ZHX3: variants seen among roughly 807,000 people sequenced by gnomAD.
The protein encoded by ZHX3 is zinc fingers and homeoboxes 3.
ZHX3 carries 20 observed loss-of-function variants against 64.5 expected under a neutral mutation model. The observed-to-expected ratio is 0.31, with a 90% CI of 0.22 to 0.45. The LOEUF (loss-of-function observed/expected upper bound fraction) is 0.45, where lower values mean the gene tolerates loss of function less well. Ranked by LOEUF, ZHX3 falls within the 20% of genes least tolerant of loss-of-function variation. The pLI is 1.00. For synonymous variants in ZHX3, 423 were observed against 461.6 expected (o/e 0.92, Z 1.07); for missense variants, 1,041 against 1,195.8 (o/e 0.87, Z 1.91).
intron 1 of ZHX3, among the ~76,000 whole-genome samples, chr20:41,310,750 G>A (rs1187437953): frequency 6.8e-6 from 1 of 146,562 alleles, no homozygotes; most frequent in Non-Finnish European, 1.5e-5. Flanking sequence ...AACATACGTT[G>A]TCATACATCA....
chr20:41,279,398 C>G (rs2043557108), intron 1 of ZHX3, among the ~76,000 whole-genome samples: 1 of 152,062 alleles, frequency 6.6e-6, no homozygotes, highest in Non-Finnish European at 1.5e-5. Flanking sequence ...AAAACAGTAT[C>G]TTACAACTTT....
intron 1 of ZHX3, among the ~76,000 whole-genome samples, chr20:41,292,950 C>CAG (rs2044323509): frequency 6.6e-6 from 1 of 152,224 alleles, no homozygotes; most frequent in Admixed American, 6.5e-5. Flanking sequence ...TGAACATACA[C>CAG]AGAGGTGTGC....
chr20:41,268,930 A>G (rs2042994287), intron 2 of ZHX3, 60 bp downstream of exon 2: 4 of 152,260 alleles, frequency 2.6e-5, no homozygotes, highest in Admixed American at 2.6e-4. Context: ...TTAATGTAGC[A>G]AGAAACTTGT....
Position 41,204,673 on chromosome 20 carries a change from A to C in ZHX3, c.244T>G (p.Cys82Gly). The C allele has an allele frequency of 6.2e-7, 1 of 1,614,244 alleles. No individual in the cohort carries two copies. The highest frequency in any genetic ancestry group is 8.5e-7 in the Non-Finnish European group (1 of 1,180,040). Residue 82 changes from cysteine (C) to glycine (G), a missense_variant, in exon 3 of 4, where the codon TGC (cysteine) becomes GGC (glycine). This residue lies in a region of ZHX3 where 358 missense variants were observed against 369.1 expected (regional missense o/e 0.97). Coordinates refer to ENST00000683867, the MANE Select transcript of ZHX3 (RefSeq NM_001384317.1). This position sits in a 1 kb window ranked among gnomAD's most constrained non-coding sequence, Gnocchi z 6.6. ...LDGYLYSCKY[C>G]DFRSHDMTQF... The stretch of plus-strand genomic sequence containing the variant: ...GTCATGTCATGGGATCTGAAATCGC[A>C]GTATTTACAGGAATATAAATAGCCA...
At chr20:41,213,373 G>A (rs192109007) in intron 2 of ZHX3, among the ~76,000 whole-genome samples, 2 of 152,232 alleles carry the variant, frequency 1.3e-5, no homozygotes, top group Admixed American at 1.3e-4. Flanking sequence ...TATAGAAGAG[G>A]GTCAGCATTT....
intron 2 of ZHX3, among the ~76,000 whole-genome samples, chr20:41,223,899 A>G (rs1164653498): frequency 1.3e-5 from 2 of 152,178 alleles, no homozygotes; most frequent in Non-Finnish European, 2.9e-5. Context: ...GCTCCTTTAC[A>G]TTTCAAACTT....
chr20:41,277,622 C>T (rs576970873), intron 1 of ZHX3, among the ~76,000 whole-genome samples: 2 of 151,168 alleles, frequency 1.3e-5, no homozygotes, highest in South Asian at 2.1e-4. Context: ...GACAGAGTCT[C>T]GCTCTGTCGC....
At chr20:41,187,017 G>A (rs1475338739) in intron 3 of ZHX3, among the ~76,000 whole-genome samples, 1 of 152,032 alleles carries the variant, frequency 6.6e-6, no homozygotes, top group Non-Finnish European at 1.5e-5. Flanking sequence ...TGCTTTGAGT[G>A]TCATACATAA....
chr20:41,309,790 T>C (rs2045077061), intron 1 of ZHX3, among the ~76,000 whole-genome samples: 1 of 152,234 alleles, frequency 6.6e-6, no homozygotes, highest in Non-Finnish European at 1.5e-5. Flanking sequence ...ATCCTTCTGA[T>C]GGCTTCTCTG....
At chr20:41,313,702 A>G (rs993394257) in intron 1 of ZHX3, among the ~76,000 whole-genome samples, 1 of 140,380 alleles carries the variant, frequency 7.1e-6, no homozygotes, top group Non-Finnish European at 1.5e-5. Context: ...GGTTCACGCC[A>G]TTCTCCTGCC....
At chr20:41,249,229 T>C (rs4810311) in intron 2 of ZHX3, among the ~76,000 whole-genome samples, 87,910 of 150,826 alleles carry the variant, frequency 0.58, 26,789 homozygotes, top group East Asian at 0.82. Context: ...TGAAACAGAA[T>C]TGTTCACATA....
intron 1 of ZHX3, among the ~76,000 whole-genome samples, chr20:41,287,248 C>T (rs138853789): frequency 2.0e-5 from 3 of 152,164 alleles, no homozygotes; most frequent in African/African-American, 7.2e-5. Context: ...AGAGAGGCCT[C>T]CCCTGACTAC....
chr20:41,282,780 A>G (rs1360627316), intron 1 of ZHX3, among the ~76,000 whole-genome samples: 2 of 152,260 alleles, frequency 1.3e-5, no homozygotes, highest in Non-Finnish European at 2.9e-5. Flanking sequence ...AATAAAATAC[A>G]TGACATCTCA....
chr20:41,293,340 G>A (rs1295118840), intron 1 of ZHX3, among the ~76,000 whole-genome samples: 1 of 152,172 alleles, frequency 6.6e-6, no homozygotes, highest in Non-Finnish European at 1.5e-5. Flanking sequence ...GAGGATTATT[G>A]TCAGTTTGGA....
intron 1 of ZHX3, among the ~76,000 whole-genome samples, chr20:41,310,041 T>C (rs2045084179): frequency 6.6e-6 from 1 of 152,162 alleles, no homozygotes; most frequent in Non-Finnish European, 1.5e-5. Context: ...ACAACACTGG[T>C]CCTTTTCTCC....
At position 41,184,496 on chromosome 20, in the gene ZHX3, A is replaced by G. The variant is rs2146095459; in HGVS notation, c.*695T>C. ...GAGAATGGTAAAGCATCCAACGCTA[A>G]TCACATTGCCAGTCCATTTTTTGAA... On this transcript the variant is annotated 3_prime_UTR_variant, in exon 4 of 4. Coordinates refer to ENST00000683867, the MANE Select transcript of ZHX3 (RefSeq NM_001384317.1). 5.6e-6 allele frequency: 1 copy of G among 179,182 alleles called. No homozygotes were observed. The highest frequency in any genetic ancestry group is 1.6e-4 in the East Asian group (1 of 6,196). The allele number at this position is 179,182 out of a possible 1,614,324, so 11.1% of individuals were successfully genotyped here.
At chr20:41,209,527 C>T (rs1298136478) in intron 2 of ZHX3, among the ~76,000 whole-genome samples, 7 of 152,102 alleles carry the variant, frequency 4.6e-5, no homozygotes, top group South Asian at 2.1e-4. Context: ...ACAGAGCCCT[C>T]GGAAATAATA....
intron 1 of ZHX3, among the ~76,000 whole-genome samples, chr20:41,297,466 A>G (rs1179408839): frequency 6.6e-6 from 1 of 152,170 alleles, no homozygotes; most frequent in East Asian, 1.9e-4. Context: ...CAAATTACCA[A>G]TCTCTCAGAG....
intron 1 of ZHX3, among the ~76,000 whole-genome samples, chr20:41,273,457 T>A (rs1387144686): frequency 6.6e-6 from 1 of 152,178 alleles, no homozygotes. Flanking sequence ...GTCATGAAGA[T>A]TTACCCTTAT....
Sources: allele counts gnomAD v4.1 joint callset (sites outside exome capture counted in the v4.1 genomes callset), GRCh38; gene constraint gnomAD v4.1.1; regional missense constraint gnomAD v4.1.1; non-coding constraint Gnocchi (gnomAD v3.1); transcripts MANE v1.5; gene names NCBI Gene and HGNC (gene_info 2026-07-23, HGNC 2026-07-21).